ELP4: variants seen among roughly 807,000 people sequenced by gnomAD.
The protein encoded by ELP4 is elongator acetyltransferase complex subunit 4, also known as elongator complex protein 4.
Under a neutral mutation model 48.9 loss-of-function variants are expected in ELP4, and 51 were observed. The observed-to-expected ratio is 1.04, with a 90% CI of 0.83 to 1.32. ELP4 has a LOEUF of 1.32. Ranked by LOEUF, ELP4 falls within the 40% of genes most tolerant of loss-of-function variation. The probability of loss-of-function intolerance (pLI) is 0.00; values close to 1 mark genes in which losing one functional copy is unlikely to be tolerated. For synonymous variants in ELP4, 210 were observed against 189.2 expected (o/e 1.11, Z -0.90); for missense variants, 519 against 514.6 (o/e 1.01, Z -0.08).
intron 9 of ELP4, chr11:31,650,500 C>T (rs1397316617): frequency 3.6e-6 from 1 of 277,018 alleles, no homozygotes; most frequent in Non-Finnish European, 6.6e-6. Context: ...ATGCATATTT[C>T]CATGGCTTTG....
At chr11:31,550,870 A>G (rs938575892) in intron 3 of ELP4, among the ~76,000 whole-genome samples, 4 of 152,154 alleles carry the variant, frequency 2.6e-5, no homozygotes, top group African/African-American at 9.7e-5. Context: ...GAGCATCCCA[A>G]AAAGCTATTG....
At chr11:31,562,810 C>T (rs573914590) in intron 3 of ELP4, among the ~76,000 whole-genome samples, 5 of 151,894 alleles carry the variant, frequency 3.3e-5, no homozygotes, top group Admixed American at 2.0e-4. Flanking sequence ...TCATCTATAC[C>T]CCTTAACCTG....
intron 3 of ELP4, among the ~76,000 whole-genome samples, chr11:31,545,225 A>G (rs1251648592): frequency 6.6e-6 from 1 of 152,198 alleles, no homozygotes; most frequent in Non-Finnish European, 1.5e-5. Flanking sequence ...CAAAGAAGTT[A>G]AAAACTTTGA....
chr11:31,789,585 A>G lies in ELP4; in HGVS notation c.*6061A>G, dbSNP rs1202325630. 2 of 606,792 alleles carry G rather than the reference A, an allele frequency of 3.3e-6. No homozygotes were observed. Among genetic ancestry groups the G allele is most frequent in the South Asian group, 4.1e-5 (2 of 48,894 alleles). The allele number at this position is 606,792 out of a possible 1,614,324, so 37.6% of individuals were successfully genotyped here. A position where few individuals can be genotyped will look rare whatever the true frequency, so the allele number is the denominator to read the frequency against. On this transcript the variant is annotated 3_prime_UTR_variant, in exon 10 of 10. Transcript: ENST00000640961. Reference sequence around the variant, plus strand: ...GATCATGGTTTTCTTTTTAAAAAAAAAAAAAACAACTTCATGACCAACACA... The same window carrying G: ...GATCATGGTTTTCTTTTTAAAAAAAGAAAAAACAACTTCATGACCAACACA...
Position 31,748,346 on chromosome 11 carries a change from G to A in ELP4, c.1144-35047G>A, listed in dbSNP as rs535979699. ...TGCAACCTCCGCCTCTCAGGTTCACGCTATTTTCCTGCCTCAGCTTCCCCA... is the reference window on the plus strand; with the variant it reads ...TGCAACCTCCGCCTCTCAGGTTCACACTATTTTCCTGCCTCAGCTTCCCCA... On this transcript the variant is annotated intron_variant, in intron 9 of 9. Transcript: ENST00000640961. Among the ~76,000 whole-genome samples the A allele has an allele frequency of 7.3e-5, 11 of 150,652 alleles. No homozygotes were observed. In the South Asian group the frequency reaches 2.1e-3, roughly 29 times the overall value.
chr11:31,724,288 T>G (rs1448353290), intron 9 of ELP4, among the ~76,000 whole-genome samples: 2 of 152,194 alleles, frequency 1.3e-5, no homozygotes, highest in African/African-American at 4.8e-5. Flanking sequence ...TGGCTTTATT[T>G]TCTTCTTGTC....
chr11:31,553,938 C>T (rs2133932324), intron 3 of ELP4, among the ~76,000 whole-genome samples: 1 of 152,262 alleles, frequency 6.6e-6, no homozygotes, highest in Admixed American at 6.5e-5. Context: ...CTCCCCATTG[C>T]TTGTATTACT....
At chr11:31,776,573 CT>C (rs1948252468) in intron 9 of ELP4, among the ~76,000 whole-genome samples, 1 of 152,220 alleles carries the variant, frequency 6.6e-6, no homozygotes, top group Non-Finnish European at 1.5e-5. Context: ...ACAAATCACA[CT>C]TTTGTTTAGA....
intron 9 of ELP4, among the ~76,000 whole-genome samples, chr11:31,702,740 C>A (rs1321339660): frequency 6.6e-6 from 1 of 152,090 alleles, no homozygotes; most frequent in African/African-American, 2.4e-5. Context: ...TATAAAAAAT[C>A]TCTGAAAGTT....
At chr11:31,773,237 C>G (rs886535754) in intron 9 of ELP4, among the ~76,000 whole-genome samples, 1 of 152,240 alleles carries the variant, frequency 6.6e-6, no homozygotes, top group African/African-American at 2.4e-5. Context: ...CAAGTAATCA[C>G]AGCCAAAGAG....
In ELP4 at chr11:31,787,320, C is replaced by G. The variant is rs1251209637; in HGVS notation, c.*3796C>G. 2 of 233,430 alleles carry G rather than the reference C, an allele frequency of 8.6e-6. No homozygotes were observed. The highest frequency in any genetic ancestry group is 1.7e-5 in the Non-Finnish European group (2 of 118,250). 14.5% of individuals were successfully genotyped at this position (233,430 alleles called of 1,614,324 possible). A position where few individuals can be genotyped will look rare whatever the true frequency, so the allele number is the denominator to read the frequency against. ...CGTGCCCAAGTGCACACATACAGACCCTCCGCTCCCACGTCACTCCTTTTC... is the reference window on the plus strand; with the variant it reads ...CGTGCCCAAGTGCACACATACAGACGCTCCGCTCCCACGTCACTCCTTTTC... On this transcript the variant is annotated 3_prime_UTR_variant, in exon 10 of 10. Coordinates refer to ENST00000640961, the MANE Select transcript of ELP4 (RefSeq NM_019040.5).
chr11:31,590,372 A>T (rs1443097460), intron 3 of ELP4, among the ~76,000 whole-genome samples: 1 of 152,208 alleles, frequency 6.6e-6, no homozygotes, highest in Non-Finnish European at 1.5e-5. Flanking sequence ...CTTCAGTCTT[A>T]TAAAAATATA....
At chr11:31,745,817 G>A (rs1947576451) in intron 9 of ELP4, among the ~76,000 whole-genome samples, 1 of 152,168 alleles carries the variant, frequency 6.6e-6, no homozygotes, top group Non-Finnish European at 1.5e-5. Flanking sequence ...ATATCATTCA[G>A]GACATAAGCA....
rs58181247 is a variant in ELP4, at chr11:31,755,730, CAA to C, written c.1144-27646_1144-27645del. Reference sequence around the variant, plus strand: ...GAATGCAAGTGGGATCCTGGAATTACAAAAAAAAAAAAAAAAAAGAATATTAG... The same window carrying C: ...GAATGCAAGTGGGATCCTGGAATTACAAAAAAAAAAAAAAAAGAATATTAG... On this transcript the variant is annotated intron_variant, in intron 9 of 9. Transcript: ENST00000640961. Among the ~76,000 whole-genome samples the C allele has an allele frequency of 4.5e-3, 447 of 99,190 alleles. 2 individuals are homozygous for C. The highest frequency in any genetic ancestry group is 0.011 in the African/African-American group (344 of 30,404). 65.1% of individuals were successfully genotyped at this position (99,190 alleles called of 152,430 possible). A position where few individuals can be genotyped will look rare whatever the true frequency, so the allele number is the denominator to read the frequency against.
chr11:31,669,841 A>C (rs1314143993), intron 9 of ELP4, among the ~76,000 whole-genome samples: 1 of 152,162 alleles, frequency 6.6e-6, no homozygotes, highest in East Asian at 1.9e-4. Context: ...TCCAAACCCA[A>C]ACTAAACTGT....
chr11:31,678,525 GTGTGTGTGTGTGTGTGTA>G (rs1470829461), intron 9 of ELP4, among the ~76,000 whole-genome samples: 2,234 of 139,248 alleles, frequency 0.016, 50 homozygotes, highest in African/African-American at 0.057. Context: ...GTGTGTGTGT[GTGTGTGTGTGTGTGTGTA>G]TATGTGCATT....
intron 9 of ELP4, among the ~76,000 whole-genome samples, chr11:31,754,669 G>A (rs558746329): frequency 9.2e-5 from 14 of 152,146 alleles, no homozygotes; most frequent in Middle Eastern, 3.4e-3. Context: ...TCAGGAGTTC[G>A]AGACCAGCCC....
At chr11:31,659,930 T>A (rs189054032) in intron 9 of ELP4, among the ~76,000 whole-genome samples, 54 of 152,238 alleles carry the variant, frequency 3.5e-4, no homozygotes, top group Admixed American at 2.7e-3. Flanking sequence ...AGGTGGAGGT[T>A]GCAGTGAGCC....
intron 9 of ELP4, among the ~76,000 whole-genome samples, chr11:31,665,655 C>CTTTTTTT: frequency 1.3e-5 from 1 of 79,682 alleles, no homozygotes; most frequent in Non-Finnish European, 2.5e-5. Flanking sequence ...GTCTCTCTTC[C>CTTTTTTT]TTTTTTTTTT....
Sources: allele counts gnomAD v4.1 joint callset (sites outside exome capture counted in the v4.1 genomes callset), GRCh38; gene constraint gnomAD v4.1.1; transcripts MANE v1.5; gene names NCBI Gene and HGNC (gene_info 2026-07-23, HGNC 2026-07-21).